Variants in MALT1 observed in about 807,000 individuals in gnomAD.
MALT1 encodes the protein mucosa-associated lymphoid tissue lymphoma translocation protein 1.
In MALT1, 36 loss-of-function variants were observed where a neutral mutation model predicts 85.5. That is an observed-to-expected ratio of 0.42 (90% CI 0.32 to 0.56). The LOEUF is 0.56. Among genes scored for constraint, MALT1 ranks in the 20% least tolerant of loss-of-function variants. The pLI, the probability that MALT1 is intolerant of heterozygous loss-of-function variation, is 0.10. For missense variants in MALT1, 716 were observed against 981.6 expected (o/e 0.73, Z 3.62); for synonymous variants, 359 against 361.3 (o/e 0.99, Z 0.07).
chr18:58,698,224 G>A (rs376735455), intron 3 of MALT1, among the ~76,000 whole-genome samples: 2 of 151,632 alleles, frequency 1.3e-5, no homozygotes, highest in African/African-American at 4.9e-5. Context: ...GCATCACCAC[G>A]CCCAGCTCAT....
chr18:58,733,657 A>G, intron 11 of MALT1, 83 bp downstream of exon 11: 3 of 1,124,982 alleles, frequency 2.7e-6, no homozygotes, highest in Non-Finnish European at 3.8e-6. Flanking sequence ...AAATGCTAAA[A>G]GCCATTTGCG....
rs904425328 is a variant in MALT1 at position 58,752,314 on chromosome 18, T to C, written c.*4472T>C. The C allele has an allele frequency of 1.3e-5, 2 of 152,188 alleles. No homozygotes were observed. Among genetic ancestry groups the C allele is most frequent in the Non-Finnish European group, 2.9e-5 (2 of 68,026 alleles). 9.4% of individuals were successfully genotyped at this position (152,188 alleles called of 1,614,324 possible). A position where few individuals can be genotyped will look rare whatever the true frequency, so the allele number is the denominator to read the frequency against. On this transcript the variant is annotated 3_prime_UTR_variant, in exon 17 of 17. Transcript: ENST00000649217. ...TGTAATTTTACTTTTAAGGGTTTTT[T>C]TCCAAACAGACGTCCTGACAATGTT...
rs1568129943 is a variant in MALT1 at position 58,693,235 on chromosome 18, A to ACC, written c.377-3130_377-3129insCC. 2.2e-4 allele frequency among the ~76,000 whole-genome samples: 34 copies of ACC among 152,284 alleles called. No homozygotes were observed. The East Asian group carries it at 6.4e-3, about 29-fold the overall frequency. ...TAGGAGTTTGATACCAGCCTGGGCA[A>ACC]CATGGTGAAACCCCGTCTTTGCAAA... On this transcript the variant is annotated intron_variant, in intron 2 of 16. Coordinates refer to ENST00000649217, the MANE Select transcript of MALT1 (RefSeq NM_006785.4).
intron 12 of MALT1, 114 bp from the exon 13 acceptor site, chr18:58,735,088 C>A: frequency 1.1e-6 from 1 of 874,820 alleles, no homozygotes; most frequent in Non-Finnish European, 1.7e-6. Context: ...CTCTGGTAAC[C>A]ACCATTCTGC....
intron 9 of MALT1, among the ~76,000 whole-genome samples, chr18:58,719,573 C>CA (rs1215915283): frequency 6.6e-6 from 1 of 152,168 alleles, no homozygotes; most frequent in Non-Finnish European, 1.5e-5. Flanking sequence ...AGAGGGGTCA[C>CA]ACATATTATG....
chr18:58,703,763 A>G (rs951298238), intron 4 of MALT1, among the ~76,000 whole-genome samples: 86 of 151,972 alleles, frequency 5.7e-4, no homozygotes, highest in Admixed American at 5.6e-3. Flanking sequence ...GACACAGCCA[A>G]CTCATATCAA....
intron 2 of MALT1, among the ~76,000 whole-genome samples, chr18:58,688,412 G>T (rs1384165944): frequency 6.6e-6 from 1 of 151,274 alleles, no homozygotes; most frequent in Non-Finnish European, 1.5e-5. Flanking sequence ...TCTTGGCCAG[G>T]CACAGTGGCT....
At chr18:58,742,897 C>G (rs7506022) in intron 14 of MALT1, among the ~76,000 whole-genome samples, 60,188 of 151,940 alleles carry the variant, frequency 0.4, 12,036 homozygotes, top group South Asian at 0.5. Flanking sequence ...GAAAATCAAT[C>G]TGTAGCTTAA....
At chr18:58,681,585 T>C (rs1216121443) in intron 2 of MALT1, among the ~76,000 whole-genome samples, 2 of 152,338 alleles carry the variant, frequency 1.3e-5, no homozygotes, top group African/African-American at 2.4e-5. Context: ...ATATTTGATA[T>C]ATTAAGTAAT....
Position 58,715,966 on chromosome 18 carries a change from G to A in MALT1, c.1017G>A (p.Leu339=). 1 of 1,601,388 alleles carries A rather than the reference G, an allele frequency of 6.2e-7. No homozygotes were observed. The highest frequency in any genetic ancestry group is 2.2e-5 in the East Asian group (1 of 44,752). Residue 339 remains leucine (L), a splice_region_variant and synonymous_variant, in exon 9 of 17, where the codon TTG becomes TTA. Coordinates refer to ENST00000649217, the MANE Select transcript of MALT1 (RefSeq NM_006785.4). Reference sequence around the variant, plus strand: ...AAGAGCAAACAACTGACCAGCCTTTGGGTGAGTAGAACTTTAAAATGCATT... The same window carrying A: ...AAGAGCAAACAACTGACCAGCCTTTAGGTGAGTAGAACTTTAAAATGCATT... ...DNKEQTTDQP[L]AKDKVALLIG...
chr18:58,738,669 C>CT (rs372637715), intron 13 of MALT1, among the ~76,000 whole-genome samples: 66 of 152,258 alleles, frequency 4.3e-4, no homozygotes, highest in African/African-American at 1.5e-3. Flanking sequence ...GATAGTCAGA[C>CT]TTTTTTATTT....
rs1452497059 is a variant in MALT1, at chr18:58,733,928, G to A, written c.1400+354G>A. 3.5e-6 allele frequency: 4 copies of A among 1,145,770 alleles called. No homozygotes were observed. In the South Asian group the frequency reaches 8.2e-5, roughly 24 times the overall value. The allele number at this position is 1,145,770 out of a possible 1,614,324, so 71.0% of individuals were successfully genotyped here. A position where few individuals can be genotyped will look rare whatever the true frequency, so the allele number is the denominator to read the frequency against. ...ATGGAGTTGGGATCTCTGCTCACTAGTCAGTCCTGGTCTTCCAGACATGGA... is the reference window on the plus strand; with the variant it reads ...ATGGAGTTGGGATCTCTGCTCACTAATCAGTCCTGGTCTTCCAGACATGGA... On this transcript the variant is annotated intron_variant, in intron 11 of 16. Coordinates refer to ENST00000649217, the MANE Select transcript of MALT1 (RefSeq NM_006785.4).
chr18:58,735,101 GGTGCTTCTCTGA>G, intron 12 of MALT1, 89 bp from the exon 13 acceptor site: 1 of 1,006,866 alleles, frequency 9.9e-7, no homozygotes, highest in South Asian at 1.6e-5. Context: ...CATTCTGCTG[GGTGCTTCTCTGA>G]GTTCATTTTT....
At chr18:58,720,312 G>A (rs905319298) in intron 9 of MALT1, among the ~76,000 whole-genome samples, 2 of 151,978 alleles carry the variant, frequency 1.3e-5, no homozygotes, top group African/African-American at 2.4e-5. Context: ...AAGTTTTATT[G>A]TTCGTTTCTC....
intron 4 of MALT1, among the ~76,000 whole-genome samples, chr18:58,704,312 C>CT (rs1220382791): frequency 2.6e-5 from 4 of 152,206 alleles, no homozygotes; most frequent in Admixed American, 6.5e-5. Flanking sequence ...TTTCAGGTTA[C>CT]TCGCCCCATA....
At chr18:58,699,878 T>C (rs1200610856) in intron 3 of MALT1, among the ~76,000 whole-genome samples, 1 of 152,244 alleles carries the variant, frequency 6.6e-6, no homozygotes, top group African/African-American at 2.4e-5. Flanking sequence ...CTCATTGATA[T>C]GCTTTCCATA....
chr18:58,724,697 G>A (rs532316884), intron 10 of MALT1, among the ~76,000 whole-genome samples: 1 of 152,164 alleles, frequency 6.6e-6, no homozygotes, highest in Non-Finnish European at 1.5e-5. Context: ...TTCAGGCTAT[G>A]TGTATAATAT....
At chr18:58,744,744 A>G (rs1302456450) in intron 15 of MALT1, among the ~76,000 whole-genome samples, 3 of 152,170 alleles carry the variant, frequency 2.0e-5, no homozygotes, top group African/African-American at 7.2e-5. Flanking sequence ...CCTAAACACG[A>G]GAGCCAATGT....
chr18:58,719,097 A>G (rs1406051650), intron 9 of MALT1, among the ~76,000 whole-genome samples: 2 of 152,186 alleles, frequency 1.3e-5, no homozygotes, highest in Non-Finnish European at 2.9e-5. Flanking sequence ...TAACACTGCA[A>G]AATTTACTAG....
Sources: gnomAD v4.1 joint callset for allele counts (sites outside exome capture counted in the v4.1 genomes callset) on GRCh38, gnomAD v4.1.1 for gene constraint, MANE v1.5 for transcripts, NCBI Gene and HGNC (gene_info 2026-07-23, HGNC 2026-07-21) for gene names.